GPC5: variants seen among roughly 807,000 people sequenced by gnomAD.
GPC5 encodes glypican 5, also known as glypican-5.
A neutral mutation model predicts 53.9 loss-of-function variants in GPC5; 47 were observed. The ratio of observed to expected loss-of-function variants is 0.87; its 90% CI spans 0.69 to 1.11. GPC5 has a LOEUF of 1.11. GPC5 is among the 50% of genes most tolerant of loss of function. The pLI, the probability that GPC5 is intolerant of heterozygous loss-of-function variation, is 0.00. For synonymous variants in GPC5, 286 were observed against 263.3 expected (o/e 1.09, Z -0.84); for missense variants, 748 against 713.1 (o/e 1.05, Z -0.56).
intron 2 of GPC5, among the ~76,000 whole-genome samples, chr13:91,584,603 A>T (rs2032490837): frequency 6.6e-6 from 1 of 151,580 alleles, no homozygotes; most frequent in Non-Finnish European, 1.5e-5. Flanking sequence ...TTTCATACAG[A>T]GTTTTGCTCT....
chr13:92,461,460 C>T (rs550086869), intron 7 of GPC5, among the ~76,000 whole-genome samples: 2 of 152,152 alleles, frequency 1.3e-5, no homozygotes, highest in East Asian at 1.9e-4. Flanking sequence ...AAAAGTAATA[C>T]GGATTGTGGA....
rs190066023 is a variant in GPC5, at chr13:92,038,275, A to G, written c.1402-106555A>G. ...ATCAGAGATCGGTACTAAAGTTTTC[A>G]TTTGTACATTGAGGGAGAAATATTC... On this transcript the variant is annotated intron_variant, in intron 6 of 7. Coordinates refer to ENST00000377067, the MANE Select transcript of GPC5 (RefSeq NM_004466.6). 1.5e-3 allele frequency among the ~76,000 whole-genome samples: 231 copies of G among 151,840 alleles called. 2 individuals are homozygous for G. Among genetic ancestry groups the G allele is most frequent in the African/African-American group, 5.3e-3 (218 of 41,462 alleles).
intron 7 of GPC5, among the ~76,000 whole-genome samples, chr13:92,202,003 G>T (rs1441330293): frequency 6.6e-6 from 1 of 152,094 alleles, no homozygotes; most frequent in Non-Finnish European, 1.5e-5. Flanking sequence ...CCAACTAATT[G>T]TGCTGTCTAA....
chr13:91,639,968 C>T (rs1294267868), intron 2 of GPC5, among the ~76,000 whole-genome samples: 2 of 151,834 alleles, frequency 1.3e-5, no homozygotes, highest in Non-Finnish European at 2.9e-5. Flanking sequence ...GGGTTTTATT[C>T]ACTATGTCAA....
Position 91,585,430 on chromosome 13 carries a change from C to T in GPC5, c.326-107757C>T, listed in dbSNP as rs75573138. ...CTAAAATGAATGTATAGATTGTAGT[C>T]CACTTATGCAATGAAACACTGCAGC... On this transcript the variant is annotated intron_variant, in intron 2 of 7. Coordinates refer to ENST00000377067, the MANE Select transcript of GPC5 (RefSeq NM_004466.6). 6.1e-3 allele frequency among the ~76,000 whole-genome samples: 931 copies of T among 152,238 alleles called. 8 individuals are homozygous for T. Among genetic ancestry groups the T allele is most frequent in the African/African-American group, 0.022 (898 of 41,548 alleles).
intron 7 of GPC5, among the ~76,000 whole-genome samples, chr13:92,156,416 T>C (rs1449983815): frequency 1.3e-5 from 2 of 152,170 alleles, no homozygotes; most frequent in Non-Finnish European, 2.9e-5. Flanking sequence ...ATAAATCCTG[T>C]GGGTTCTGTT....
intron 7 of GPC5, among the ~76,000 whole-genome samples, chr13:92,368,087 C>T (rs184744840): frequency 1.3e-5 from 2 of 152,018 alleles, no homozygotes; most frequent in Non-Finnish European, 2.9e-5. Flanking sequence ...CGGATTGAAG[C>T]GATTCTTCTG....
At chr13:91,503,503 C>T (rs761875929) in intron 2 of GPC5, among the ~76,000 whole-genome samples, 16 of 151,900 alleles carry the variant, frequency 1.1e-4, no homozygotes, top group South Asian at 2.1e-4. Context: ...TAGGCTGGGC[C>T]GGGTGCAGTC....
intron 7 of GPC5, among the ~76,000 whole-genome samples, chr13:92,602,527 G>A (rs1426121721): frequency 6.6e-6 from 1 of 151,792 alleles, no homozygotes; most frequent in Non-Finnish European, 1.5e-5. Context: ...GGCTACTAAG[G>A]CAGTTTTTTA....
chr13:92,707,394 C>A (rs1417719830), intron 7 of GPC5, among the ~76,000 whole-genome samples: 1 of 152,040 alleles, frequency 6.6e-6, no homozygotes, highest in Non-Finnish European at 1.5e-5. Flanking sequence ...GCAGACTCAC[C>A]TTTTGAGCCT....
At chr13:91,553,542 T>A (rs775718839) in intron 2 of GPC5, among the ~76,000 whole-genome samples, 2 of 152,168 alleles carry the variant, frequency 1.3e-5, no homozygotes, top group Admixed American at 6.6e-5. Context: ...GGTAAAATGT[T>A]CCCAGAATTT....
At chr13:91,671,877 A>G (rs2035257694) in intron 2 of GPC5, among the ~76,000 whole-genome samples, 1 of 151,356 alleles carries the variant, frequency 6.6e-6, no homozygotes, top group Non-Finnish European at 1.5e-5. Flanking sequence ...ACAGCATAGT[A>G]CTGGTATCAA....
chr13:92,416,426 G>T (rs548212504), intron 7 of GPC5, among the ~76,000 whole-genome samples: 27 of 152,278 alleles, frequency 1.8e-4, no homozygotes, highest in African/African-American at 6.5e-4. Context: ...GCTTCAATTT[G>T]CTGTATGAAA....
Position 92,681,358 on chromosome 13 carries a change from TGA to T in GPC5, c.1562-184922_1562-184921del, listed in dbSNP as rs1491055364. On this transcript the variant is annotated intron_variant, in intron 7 of 7. Transcript: ENST00000377067. ...CTTTTTTTCCCTCTGTTCTCGCCTCTGAGTGCCCCAACCCAATCTCTCTTCCT... is the reference window on the plus strand; with the variant it reads ...CTTTTTTTCCCTCTGTTCTCGCCTCTGTGCCCCAACCCAATCTCTCTTCCT... Among the ~76,000 whole-genome samples, 102 of 151,970 alleles carry T rather than the reference TGA, an allele frequency of 6.7e-4. No individual in the cohort carries two copies. The Middle Eastern group carries it at 0.024, about 35-fold the overall frequency.
chr13:91,983,843 C>A (rs1485412577), intron 6 of GPC5, among the ~76,000 whole-genome samples: 1 of 152,162 alleles, frequency 6.6e-6, no homozygotes, highest in Non-Finnish European at 1.5e-5. Context: ...TAATTCCCTA[C>A]CTACATCCTG....
chr13:92,789,576 CATT>C (rs1594508783), intron 7 of GPC5, among the ~76,000 whole-genome samples: 1 of 151,976 alleles, frequency 6.6e-6, no homozygotes, highest in Non-Finnish European at 1.5e-5. Context: ...TCTTCATAGT[CATT>C]ATTAAATATA....
chr13:92,623,017 A>G (rs1256738278), intron 7 of GPC5, among the ~76,000 whole-genome samples: 1 of 152,102 alleles, frequency 6.6e-6, no homozygotes, highest in Non-Finnish European at 1.5e-5. Flanking sequence ...GATAACAGAA[A>G]AGTAAAAAGT....
chr13:92,585,676 G>A (rs1352066569), intron 7 of GPC5, among the ~76,000 whole-genome samples: 1 of 152,132 alleles, frequency 6.6e-6, no homozygotes, highest in Non-Finnish European at 1.5e-5. Context: ...AGAATAATAT[G>A]GTTTGGCTGT....
chr13:91,472,395 T>C (rs1383683394), intron 2 of GPC5, among the ~76,000 whole-genome samples: 2 of 152,210 alleles, frequency 1.3e-5, no homozygotes, highest in African/African-American at 4.8e-5. Flanking sequence ...GTTTACCTAA[T>C]GTCTCTGTAC....
Sources: allele counts gnomAD v4.1 joint callset (sites outside exome capture counted in the v4.1 genomes callset), GRCh38; gene constraint gnomAD v4.1.1; transcripts MANE v1.5; gene names NCBI Gene and HGNC (gene_info 2026-07-23, HGNC 2026-07-21).